Variants in DRC11 observed in about 807,000 individuals in gnomAD.
DRC11 encodes the protein IQ and AAA domain-containing protein 1.
the DRC11 span, among the ~76,000 whole-genome samples, chr2:236,384,980 G>T: frequency 3.3e-5 from 5 of 151,990 alleles, no homozygotes; most frequent in African/African-American, 1.2e-4. Context: ...TAGATATTTG[G>T]CGTTATTTCT....
the DRC11 span, among the ~76,000 whole-genome samples, chr2:236,462,285 C>T: frequency 1.3e-5 from 2 of 152,090 alleles, no homozygotes; most frequent in Non-Finnish European, 2.9e-5. The surrounding 1 kb of genome is among the most constrained non-coding windows in gnomAD (Gnocchi z 6.4). Flanking sequence ...GTGGCCAGTG[C>T]CTGGGGACAC....
the DRC11 span, chr2:236,332,445 A>C: frequency 4.6e-5 from 7 of 152,230 alleles, no homozygotes; most frequent in Admixed American, 3.9e-4. The surrounding 1 kb of genome is among the most constrained non-coding windows in gnomAD (Gnocchi z 5.1). Flanking sequence ...AATTATATCG[A>C]GACGGTGGAG....
At chr2:236,422,926 A>G in the DRC11 span, among the ~76,000 whole-genome samples, 3 of 152,124 alleles carry the variant, frequency 2.0e-5, no homozygotes, top group Non-Finnish European at 4.4e-5. Flanking sequence ...ATCTTTGACA[A>G]ACCTGAAAAA....
At chr2:236,343,274 G>A in the DRC11 span, among the ~76,000 whole-genome samples, 3 of 152,198 alleles carry the variant, frequency 2.0e-5, no homozygotes, top group Admixed American at 6.5e-5. This position sits in a 1 kb window ranked among gnomAD's most constrained non-coding sequence, Gnocchi z 6.6. Flanking sequence ...TCTCTCAGGA[G>A]GAACATTCCC....
At chr2:236,370,777 T>G in the DRC11 span, among the ~76,000 whole-genome samples, 3 of 81,290 alleles carry the variant, frequency 3.7e-5, no homozygotes, top group African/African-American at 9.4e-5. This position sits in a 1 kb window ranked among gnomAD's most constrained non-coding sequence, Gnocchi z 5.5. Flanking sequence ...AGGGTGGCCA[T>G]GCAGGGGTGC....
the DRC11 span, among the ~76,000 whole-genome samples, chr2:236,315,448 T>C: frequency 6.6e-6 from 1 of 152,226 alleles, no homozygotes; most frequent in Non-Finnish European, 1.5e-5. The surrounding 1 kb of genome is among the most constrained non-coding windows in gnomAD (Gnocchi z 5.1). Context: ...ACTGTGGCAA[T>C]TCCTCAAAGA....
chr2:236,386,511 C>T, the DRC11 span, among the ~76,000 whole-genome samples: 1 of 151,746 alleles, frequency 6.6e-6, no homozygotes, highest in African/African-American at 2.4e-5. Flanking sequence ...TGGTGATATC[C>T]CCTTTATCAT....
chr2:236,327,003 A>C, the DRC11 span, among the ~76,000 whole-genome samples: 3 of 152,034 alleles, frequency 2.0e-5, no homozygotes, highest in Non-Finnish European at 4.4e-5. Flanking sequence ...TACAGGTGTG[A>C]GCCACCATGC....
chr2:236,497,276 C>T, the DRC11 span: 3 of 1,613,876 alleles, frequency 1.9e-6, no homozygotes, highest in Admixed American at 3.3e-5. This position sits in a 1 kb window ranked among gnomAD's most constrained non-coding sequence, Gnocchi z 5.1. Flanking sequence ...CCGTCCAGGA[C>T]TTTCCTGATC....
the DRC11 span, among the ~76,000 whole-genome samples, chr2:236,448,145 CA>C: frequency 6.6e-6 from 1 of 152,172 alleles, no homozygotes; most frequent in African/African-American, 2.4e-5. This position sits in a 1 kb window ranked among gnomAD's most constrained non-coding sequence, Gnocchi z 5.3. Context: ...TTACAAACTG[CA>C]AAGAAAAACT....
the DRC11 span, among the ~76,000 whole-genome samples, chr2:236,406,670 A>G: frequency 2.2e-4 from 34 of 152,176 alleles, no homozygotes; most frequent in Non-Finnish European, 4.4e-4. This position sits in a 1 kb window ranked among gnomAD's most constrained non-coding sequence, Gnocchi z 4.7. Context: ...GCTGAACACT[A>G]TATTTAAAAA....
the DRC11 span, among the ~76,000 whole-genome samples, chr2:236,431,398 A>G: frequency 1.3e-5 from 2 of 152,214 alleles, no homozygotes; most frequent in Non-Finnish European, 2.9e-5. This position sits in a 1 kb window ranked among gnomAD's most constrained non-coding sequence, Gnocchi z 4.2. Flanking sequence ...AGTGCCGAGC[A>G]AAGGAGGAAA....
At chr2:236,498,895 G>A in the DRC11 span, among the ~76,000 whole-genome samples, 1 of 152,146 alleles carries the variant, frequency 6.6e-6, no homozygotes, top group African/African-American at 2.4e-5. Context: ...CAAGAACCAG[G>A]ACTGAAAAGT....
the DRC11 span, among the ~76,000 whole-genome samples, chr2:236,311,685 C>T: frequency 1.4e-5 from 2 of 147,434 alleles, no homozygotes; most frequent in African/African-American, 5.2e-5. This position sits in a 1 kb window ranked among gnomAD's most constrained non-coding sequence, Gnocchi z 6.9. Context: ...GCTTGGCCAG[C>T]TGGATGGGGT....
At chr2:236,416,036 A>G in the DRC11 span, among the ~76,000 whole-genome samples, 1 of 152,108 alleles carries the variant, frequency 6.6e-6, no homozygotes, top group Admixed American at 6.5e-5. Context: ...GCAGAACAAT[A>G]GGGCCCTAGG....
the DRC11 span, among the ~76,000 whole-genome samples, chr2:236,497,646 G>A: frequency 2.6e-5 from 4 of 152,146 alleles, no homozygotes; most frequent in Non-Finnish European, 1.5e-5. This position sits in a 1 kb window ranked among gnomAD's most constrained non-coding sequence, Gnocchi z 5.1. Flanking sequence ...TTTATATCCT[G>A]TTCTGATGTC....
chr2:236,425,655 TG>T, the DRC11 span, among the ~76,000 whole-genome samples: 1 of 152,038 alleles, frequency 6.6e-6, no homozygotes, highest in Admixed American at 6.5e-5. Flanking sequence ...CCCATTTACC[TG>T]TTTTTACTTT....
the DRC11 span, among the ~76,000 whole-genome samples, chr2:236,462,429 T>C: frequency 6.6e-6 from 1 of 152,060 alleles, no homozygotes; most frequent in African/African-American, 2.4e-5. This position sits in a 1 kb window ranked among gnomAD's most constrained non-coding sequence, Gnocchi z 6.4. Flanking sequence ...CCCAGAACTT[T>C]GGGAGGTCGA....
the DRC11 span, among the ~76,000 whole-genome samples, chr2:236,478,033 T>TGTGTG: frequency 6.3e-5 from 9 of 141,830 alleles, no homozygotes; most frequent in African/African-American, 1.9e-4. This position sits in a 1 kb window ranked among gnomAD's most constrained non-coding sequence, Gnocchi z 5.9. Flanking sequence ...GTGTGTGTGT[T>TGTGTG]TTAGTCTCAA....
Sources: gnomAD v4.1 joint callset for allele counts (sites outside exome capture counted in the v4.1 genomes callset) on GRCh38, gnomAD v4.1.1 for gene constraint, Gnocchi (gnomAD v3.1) non-coding constraint, MANE v1.5 for transcripts, NCBI Gene and HGNC (gene_info 2026-07-23, HGNC 2026-07-21) for gene names.